Variants in ATP9B observed in about 807,000 individuals in gnomAD.
ATP9B encodes the protein ATPase phospholipid transporting 9B.
A neutral mutation model predicts 146.1 loss-of-function variants in ATP9B; 110 were observed. The observed-to-expected ratio is 0.75, with a 90% CI of 0.65 to 0.88. ATP9B has a LOEUF of 0.88. Among genes scored for constraint, ATP9B ranks in the 40% least tolerant of loss-of-function variants. The probability of loss-of-function intolerance (pLI) is 0.00; values close to 1 mark genes in which losing one functional copy is unlikely to be tolerated. For synonymous variants in ATP9B, 604 were observed against 569.7 expected, an observed-to-expected ratio of 1.06 and a Z score of -0.86; for missense variants, 1,499 against 1,496.4, an observed-to-expected ratio of 1.00 and a Z score of -0.03.
intron 15 of ATP9B, among the ~76,000 whole-genome samples, chr18:79,312,687 A>G (rs1431112181): frequency 2.6e-5 from 4 of 152,232 alleles, no homozygotes; most frequent in African/African-American, 9.6e-5. Context: ...GGAGGGGAGT[A>G]AAACACATCT....
In ATP9B at chr18:79,144,879, A is replaced by G. The variant is rs190588228; in HGVS notation, c.726+1019A>G. The G allele has an allele frequency of 2.2e-3, 352 of 156,978 alleles. 5 individuals carry two copies. Among genetic ancestry groups the G allele is most frequent in the African/African-American group, 8.0e-3 (332 of 41,610 alleles). 9.7% of individuals were successfully genotyped at this position (156,978 alleles called of 1,614,324 possible). A position where few individuals can be genotyped will look rare whatever the true frequency, so the allele number is the denominator to read the frequency against. On this transcript the variant is annotated intron_variant, in intron 6 of 29. Transcript: ENST00000426216. ...AATTCATACAGTTAAAAAATTTAAG[A>G]GGGAAAAGTGAATAGAAGTAAAAGC...
At chr18:79,090,102 C>T (rs2074195074) in intron 1 of ATP9B, among the ~76,000 whole-genome samples, 2 of 152,114 alleles carry the variant, frequency 1.3e-5, no homozygotes, top group Non-Finnish European at 2.9e-5. Flanking sequence ...ATGACTGGAT[C>T]TTATTCTTTT....
chr18:79,071,032 C>T (rs1268687355), intron 1 of ATP9B, among the ~76,000 whole-genome samples: 1 of 138,236 alleles, frequency 7.2e-6, no homozygotes, highest in Admixed American at 7.1e-5. Context: ...TTCTGATTCT[C>T]ATTCTGATTC....
intron 1 of ATP9B, among the ~76,000 whole-genome samples, chr18:79,072,830 C>G (rs959604968): frequency 4.6e-5 from 7 of 152,042 alleles, no homozygotes; most frequent in African/African-American, 1.7e-4. Context: ...CTCCTCACCT[C>G]TCAGATGGGG....
At chr18:79,311,007 C>A (rs1383624876) in intron 15 of ATP9B, among the ~76,000 whole-genome samples, 1 of 152,044 alleles carries the variant, frequency 6.6e-6, no homozygotes, top group Non-Finnish European at 1.5e-5. Flanking sequence ...AAAAAATTAG[C>A]CAGGTGTGGT....
At chr18:79,227,126 T>C (rs527412049) in intron 11 of ATP9B, among the ~76,000 whole-genome samples, 1 of 152,318 alleles carries the variant, frequency 6.6e-6, no homozygotes, top group East Asian at 1.9e-4. Context: ...TCTCTGTCTT[T>C]AAGCTTTAAG....
chr18:79,334,352 G>C (rs1189490291), intron 17 of ATP9B, among the ~76,000 whole-genome samples: 1 of 151,638 alleles, frequency 6.6e-6, no homozygotes, highest in Non-Finnish European at 1.5e-5. Flanking sequence ...GCAAGACTCT[G>C]TCTCAAAAAG....
At chr18:79,173,263 T>A (rs1288294204) in intron 7 of ATP9B, among the ~76,000 whole-genome samples, 2 of 152,242 alleles carry the variant, frequency 1.3e-5, no homozygotes, top group Non-Finnish European at 2.9e-5. Context: ...ACAAATATTT[T>A]GTACTAGTTT....
At chr18:79,134,956 GT>G (rs1376760162) in intron 5 of ATP9B, among the ~76,000 whole-genome samples, 1 of 152,300 alleles carries the variant, frequency 6.6e-6, no homozygotes, top group South Asian at 2.1e-4. Flanking sequence ...ATTTTTTGTA[GT>G]TAAGGTTTAC....
intron 4 of ATP9B, among the ~76,000 whole-genome samples, chr18:79,116,843 A>T (rs1302748010): frequency 9.1e-6 from 1 of 109,330 alleles, no homozygotes; most frequent in East Asian, 2.6e-4. Context: ...TAGTGGGTGC[A>T]GCGCACCAGC....
At chr18:79,175,590 T>C (rs1343411010) in intron 7 of ATP9B, among the ~76,000 whole-genome samples, 1 of 152,206 alleles carries the variant, frequency 6.6e-6, no homozygotes, top group African/African-American at 2.4e-5. Flanking sequence ...CAGATATGCA[T>C]GCATGCGTAC....
intron 26 of ATP9B, among the ~76,000 whole-genome samples, chr18:79,366,535 G>A (rs561542543): frequency 2.6e-5 from 4 of 152,322 alleles, no homozygotes; most frequent in South Asian, 4.1e-4. Flanking sequence ...CCCTGTTAGC[G>A]ATGAAGTTAG....
intron 20 of ATP9B, among the ~76,000 whole-genome samples, chr18:79,342,686 A>C (rs1402936752): frequency 2.0e-5 from 3 of 152,138 alleles, no homozygotes; most frequent in Non-Finnish European, 2.9e-5. Flanking sequence ...TTTTTGACGG[A>C]ATGAACAAGC....
chr18:79,132,756 G>A (rs888932813), intron 5 of ATP9B, among the ~76,000 whole-genome samples: 6 of 152,198 alleles, frequency 3.9e-5, no homozygotes, highest in Admixed American at 6.5e-5. Flanking sequence ...CCTTTCTGTA[G>A]TTTGCTGGAC....
rs922510660 is a variant in ATP9B at position 79,187,614 on chromosome 18, C to G, written c.874-5569C>G. ...GCCGAGCCATTTCTTCATTTTGTTT[C>G]CCGTTGAGTGTCTGATTCCCCCTGT... On this transcript the variant is annotated intron_variant, in intron 8 of 29. Transcript: ENST00000426216. Among the ~76,000 whole-genome samples the G allele has an allele frequency of 1.2e-4, 19 of 152,272 alleles. No homozygotes were observed. In the East Asian group the frequency reaches 2.9e-3, roughly 23 times the overall value.
At chr18:79,091,990 T>A (rs2074361409) in intron 1 of ATP9B, among the ~76,000 whole-genome samples, 1 of 152,218 alleles carries the variant, frequency 6.6e-6, no homozygotes, top group African/African-American at 2.4e-5. Flanking sequence ...CTTTTATTAT[T>A]GCGTTATGTC....
chr18:79,155,832 C>T (rs920670633), intron 7 of ATP9B, among the ~76,000 whole-genome samples: 4 of 144,992 alleles, frequency 2.8e-5, no homozygotes, highest in African/African-American at 5.1e-5. Flanking sequence ...GTGCGATCTC[C>T]GCTCACTGCA....
rs749331175 is a variant in ATP9B at position 79,176,897 on chromosome 18, C to T, written c.863C>T (p.Pro288Leu). 14 of 1,613,780 alleles carry T rather than the reference C, an allele frequency of 8.7e-6. No individual in the cohort carries two copies. Among genetic ancestry groups the T allele is most frequent in the Admixed American group, 8.3e-5 (5 of 59,976 alleles). ...GCAGTGAGCTGCACGCAACAGCTGC[C>T]GGCTCTGGGGGTGAGCAGCACCAAG... Reference protein sequence around the residue: ...KVAVSCTQQLPALGDLFSISA... With the variant: ...KVAVSCTQQLLALGDLFSISA... The change falls in exon 8 of 30, where the codon CCG becomes CTG. Residue 288 changes from proline to leucine, a missense_variant. Transcript: ENST00000426216.
intron 12 of ATP9B, among the ~76,000 whole-genome samples, chr18:79,261,836 C>T (rs8095047): frequency 0.89 from 135,449 of 152,188 alleles, 60,376 homozygotes; most frequent in East Asian, 1. Flanking sequence ...GTTGCTCGAG[C>T]GTTGTGGGAG....
Sources: gnomAD v4.1 joint callset for allele counts (sites outside exome capture counted in the v4.1 genomes callset) on GRCh38, gnomAD v4.1.1 for gene constraint, MANE v1.5 for transcripts, NCBI Gene and HGNC (gene_info 2026-07-23, HGNC 2026-07-21) for gene names.